Variants in BRINP2 observed in about 807,000 individuals in gnomAD.
BRINP2 encodes BMP/retinoic acid inducible neural specific 2.
BRINP2 carries 21 observed loss-of-function variants against 69.2 expected under a neutral mutation model. The ratio of observed to expected loss-of-function variants is 0.30; its 90% CI spans 0.22 to 0.44. The LOEUF (loss-of-function observed/expected upper bound fraction) is 0.44. Ranked by LOEUF, BRINP2 falls within the 20% of genes least tolerant of loss-of-function variation. BRINP2 has a pLI of 1.00. For missense variants in BRINP2, 877 were observed against 986.0 expected (o/e 0.89, Z 1.48); for synonymous variants, 380 against 394.1 (o/e 0.96, Z 0.42).
At chr1:177,176,316 TG>T (rs1274882049) in intron 1 of BRINP2, among the ~76,000 whole-genome samples, 3 of 152,110 alleles carry the variant, frequency 2.0e-5, no homozygotes, top group Non-Finnish European at 4.4e-5. Context: ...AAATATGCAT[TG>T]GGTTTTGAAG....
At chr1:177,247,151 T>C (rs1474576294) in intron 2 of BRINP2, among the ~76,000 whole-genome samples, 1 of 152,206 alleles carries the variant, frequency 6.6e-6, no homozygotes, top group African/African-American at 2.4e-5. Context: ...AGTTCTGTGA[T>C]GGGAGCAGTA....
intron 2 of BRINP2, among the ~76,000 whole-genome samples, chr1:177,244,497 G>A (rs1438766542): frequency 6.6e-6 from 1 of 152,118 alleles, no homozygotes; most frequent in Non-Finnish European, 1.5e-5. Context: ...GGGCGTGTTG[G>A]CATGTGCCTG....
chr1:177,234,327 C>T (rs1200979400), intron 2 of BRINP2, among the ~76,000 whole-genome samples: 2 of 152,184 alleles, frequency 1.3e-5, no homozygotes, highest in African/African-American at 4.8e-5. Context: ...GTCTCCTGCT[C>T]ATTACTCTAG....
At chr1:177,262,576 A>T (rs1358195920) in intron 4 of BRINP2, among the ~76,000 whole-genome samples, 1 of 151,878 alleles carries the variant, frequency 6.6e-6, no homozygotes, top group Admixed American at 6.6e-5. Flanking sequence ...GAAGATAATC[A>T]TAGGAGCAAA....
chr1:177,200,199 G>T (rs1648860702), intron 1 of BRINP2, among the ~76,000 whole-genome samples: 1 of 143,172 alleles, frequency 7.0e-6, no homozygotes, highest in African/African-American at 2.6e-5. Flanking sequence ...TGCTGAGGCA[G>T]GAGAATCGCT....
intron 1 of BRINP2, among the ~76,000 whole-genome samples, chr1:177,223,401 G>T (rs146812729): frequency 1.7e-3 from 256 of 152,250 alleles, no homozygotes; most frequent in African/African-American, 5.8e-3. Flanking sequence ...CCTATGTTTT[G>T]TTCCTGCCCT....
At chr1:177,201,148 T>C (rs1648898493) in intron 1 of BRINP2, among the ~76,000 whole-genome samples, 1 of 152,062 alleles carries the variant, frequency 6.6e-6, no homozygotes, top group Non-Finnish European at 1.5e-5. Context: ...CTTATCCATA[T>C]ACCCAAACAC....
chr1:177,196,604 A>T (rs1377171791), intron 1 of BRINP2, among the ~76,000 whole-genome samples: 1 of 151,774 alleles, frequency 6.6e-6, no homozygotes, highest in Non-Finnish European at 1.5e-5. Flanking sequence ...GGCAACAAGA[A>T]TGAAACTCCA....
chr1:177,190,131 G>T (rs1205231328), intron 1 of BRINP2, among the ~76,000 whole-genome samples: 1 of 152,176 alleles, frequency 6.6e-6, no homozygotes, highest in East Asian at 1.9e-4. Flanking sequence ...CTCCAGACTA[G>T]AATGATAGGC....
At chr1:177,195,555 C>A (rs1195455166) in intron 1 of BRINP2, among the ~76,000 whole-genome samples, 1 of 150,986 alleles carries the variant, frequency 6.6e-6, no homozygotes, top group South Asian at 2.2e-4. Context: ...CTTACTTCAA[C>A]TGAGTTTGAA....
intron 1 of BRINP2, among the ~76,000 whole-genome samples, chr1:177,193,232 C>T (rs192315958): frequency 1.3e-5 from 2 of 152,286 alleles, no homozygotes; most frequent in African/African-American, 2.4e-5. Context: ...AAGCCACGAG[C>T]ATGTGATGGG....
At position 177,215,922 on chromosome 1, in the gene BRINP2, T is replaced by C. The variant is rs78187117; in HGVS notation, c.-76-13879T>C. On this transcript the variant is annotated intron_variant, in intron 1 of 7. Transcript: ENST00000361539. ...TTTACAGTTTTTTACTTAAAGTTTA[T>C]TTTGTCTAAGTATCACTGCCCCTTC... Among the ~76,000 whole-genome samples, 588 of 152,274 alleles carry C rather than the reference T, an allele frequency of 3.9e-3. 7 individuals are homozygous for C. Among genetic ancestry groups the C allele is most frequent in the African/African-American group, 0.013 (525 of 41,588 alleles).
chr1:177,203,572 TA>T (rs371591131), intron 1 of BRINP2, among the ~76,000 whole-genome samples: 24 of 150,760 alleles, frequency 1.6e-4, no homozygotes, highest in African/African-American at 4.4e-4. Flanking sequence ...AATAAAAATT[TA>T]AAAAAAAAGA....
chr1:177,172,661 TA>T (rs1647972529), intron 1 of BRINP2, among the ~76,000 whole-genome samples: 1 of 152,196 alleles, frequency 6.6e-6, no homozygotes, highest in African/African-American at 2.4e-5. Context: ...CCAGGGTATA[TA>T]GACCTAAGCC....
At chr1:177,207,923 G>A (rs1408106597) in intron 1 of BRINP2, among the ~76,000 whole-genome samples, 3 of 152,158 alleles carry the variant, frequency 2.0e-5, no homozygotes, top group African/African-American at 4.8e-5. Flanking sequence ...AAAGAGAAAA[G>A]TCAGGCCAGA....
intron 1 of BRINP2, among the ~76,000 whole-genome samples, chr1:177,217,127 A>T (rs1295931463): frequency 2.6e-5 from 4 of 151,650 alleles, no homozygotes; most frequent in Non-Finnish European, 5.9e-5. Context: ...TCCTCCTGGA[A>T]TGCCTATGAT....
intron 4 of BRINP2, among the ~76,000 whole-genome samples, chr1:177,258,539 G>A (rs551892217): frequency 3.3e-5 from 5 of 152,158 alleles, no homozygotes; most frequent in Non-Finnish European, 5.9e-5. Context: ...TTGCTTCATT[G>A]CATTTTGCAG....
intron 2 of BRINP2, among the ~76,000 whole-genome samples, chr1:177,251,578 C>CTGAT (rs2102342385): frequency 6.6e-6 from 1 of 152,226 alleles, no homozygotes; most frequent in South Asian, 2.1e-4. Context: ...TTGTCACCAC[C>CTGAT]ATCATAGTTG....
At chr1:177,265,624 G>A (rs1651093591) in intron 4 of BRINP2, among the ~76,000 whole-genome samples, 1 of 152,132 alleles carries the variant, frequency 6.6e-6, no homozygotes, top group African/African-American at 2.4e-5. Context: ...ATGGGACAGA[G>A]CCCAAACTAT....
Sources: allele counts gnomAD v4.1 joint callset (sites outside exome capture counted in the v4.1 genomes callset), GRCh38; gene constraint gnomAD v4.1.1; transcripts MANE v1.5; gene names NCBI Gene and HGNC (gene_info 2026-07-23, HGNC 2026-07-21).